The following TTN variants were observed in gnomAD, a reference collection of about 807,000 sequenced individuals.
TTN encodes the protein connectin.
A neutral mutation model predicts 3,223.0 loss-of-function variants in TTN; 1,525 were observed. The ratio of observed to expected loss-of-function variants is 0.47; its 90% CI spans 0.45 to 0.49. TTN has a LOEUF of 0.49. Ranked by LOEUF, TTN falls within the 20% of genes least tolerant of loss-of-function variation. The pLI, the probability that TTN is intolerant of heterozygous loss-of-function variation, is 0.00. For missense variants in TTN, 40,786 were observed against 43,424.0 expected (o/e 0.94, Z 5.40); for synonymous variants, 14,094 against 15,161.0 (o/e 0.93, Z 5.17).
chr2:178,539,810 G>A lies in TTN; in HGVS notation c.98255C>T (p.Ala32752Val), dbSNP rs778166587. 1.9e-6 allele frequency: 3 copies of A among 1,613,818 alleles called. No individual in the cohort carries two copies. The highest frequency in any genetic ancestry group is 2.5e-6 in the Non-Finnish European group (3 of 1,179,760). Residue 32752 changes from alanine (A) to valine (V), a missense_variant, in exon 352 of 363, where the codon GCA becomes GTA. Ala to Val is a moderately conservative substitution (Grantham distance 64). Coordinates refer to ENST00000589042, the MANE Select transcript of TTN (RefSeq NM_001267550.2). The stretch of plus-strand genomic sequence containing the variant: ...AAGCTCAGTGTGTGTTTCAGATGTT[G>A]CAATCATGGCACGCTTACTAATATC... ...GQDISKRAMIATSETHTELVI... is the reference protein window; with the variant it reads ...GQDISKRAMIVTSETHTELVI...
rs372493799 is a variant in TTN at position 178,587,793 on chromosome 2, C to T, written c.63516G>A (p.Pro21172=). 38 of 1,597,232 alleles carry T rather than the reference C, an allele frequency of 2.4e-5. No individual in the cohort carries two copies. Among genetic ancestry groups the T allele is most frequent in the African/African-American group, 1.6e-4 (12 of 74,452 alleles). ...AIKPKEILEP[P]EIDLDASMRK... ...TCATGCTGGCATCCAAATCAATCTC[C>T]GGAGGTTCTGCAAATGACATTAAGG... The change falls in exon 306 of 363, where the codon CCG becomes CCA. Residue 21172 remains proline, a synonymous_variant. Transcript: ENST00000589042.
chr2:178,664,698 GTTTTC>G lies in TTN; in HGVS notation c.36153_36157del (p.Lys12051AsnfsTer10). ...AGGCTTTCTGAGAGGAACCACAAGC[GTTTTC>G]TTTTCAGGGACAATTTCTTGGAGAG... On this transcript the variant is annotated frameshift_variant, in exon 167 of 363. Coordinates refer to ENST00000589042, the MANE Select transcript of TTN (RefSeq NM_001267550.2). LOFTEE classifies it high-confidence loss of function. 1 of 1,612,336 alleles carries G rather than the reference GTTTTC, an allele frequency of 6.2e-7. No individual in the cohort carries two copies. The highest frequency in any genetic ancestry group is 8.5e-7 in the Non-Finnish European group (1 of 1,179,644).
intron 15 of TTN, 74 bp downstream of exon 15, chr2:178,785,546 A>G: frequency 1.2e-6 from 2 of 1,600,850 alleles, no homozygotes; most frequent in Non-Finnish European, 1.7e-6. Flanking sequence ...GGCCTACCCC[A>G]GAGATGCTCT....
intron 147 of TTN, among the ~76,000 whole-genome samples, chr2:178,676,332 A>G (rs750948739): frequency 1.2e-4 from 18 of 151,908 alleles, no homozygotes; most frequent in Non-Finnish European, 2.4e-4. Context: ...TCTAGAAAGT[A>G]TTTCTGAATC....
Position 178,531,780 on chromosome 2 carries a change from T to C in TTN, c.104835A>G (p.Thr34945=). The change falls in exon 358 of 363, where the codon ACA becomes ACG. Residue 34945 remains threonine, a synonymous_variant. Transcript: ENST00000589042. ...GTACCCTGTGCGAGCGCATTCTCAG[T>C]GTGATTCGAGGGGCATGGTCCAGTG... ...PFTLDHAPRI[T]LRMRSHRVPC... is the part of the protein sequence containing the mutation. The C allele has an allele frequency of 6.2e-7, 1 of 1,614,014 alleles. No homozygotes were observed. Among genetic ancestry groups the C allele is most frequent in the East Asian group, 2.2e-5 (1 of 44,876 alleles).
In TTN at chr2:178,625,288, T is replaced by G; in HGVS notation, c.44533A>C (p.Asn14845His). The G allele has an allele frequency of 6.2e-7, 1 of 1,606,344 alleles. No individual in the cohort carries two copies. The highest frequency in any genetic ancestry group is 1.1e-5 in the South Asian group (1 of 89,928). Residue 14845 changes from asparagine (N) to histidine (H), a missense_variant, in exon 241 of 363, where the codon AAC (asparagine) becomes CAC (histidine). Transcript: ENST00000589042. ...TTGTAATTACCTTTCACAAAGAGGTTGGCGTGAGTTTTGAAATCTTTTGCT... is the reference window on the plus strand; with the variant it reads ...TTGTAATTACCTTTCACAAAGAGGTGGGCGTGAGTTTTGAAATCTTTTGCT... ...LTAKDFKTHA[N>H]LFVKEPPVEF...
rs1354658470 is a variant in TTN, at chr2:178,570,835, T to C, written c.75297A>G (p.Ala25099=). Residue 25099 remains alanine (A), a synonymous_variant, in exon 326 of 363, where the codon GCA becomes GCG. Coordinates refer to ENST00000589042, the MANE Select transcript of TTN (RefSeq NM_001267550.2). The stretch of plus-strand genomic sequence containing the variant: ...GATCTACCTCATCTCTAGCTGTTAT[T>C]GCTCCTGTGCTTTCTGAAGGCTCAC... ...VFSEPSESTG[A]ITARDEVDPP... is the part of the protein sequence containing the mutation. 5.6e-6 allele frequency: 9 copies of C among 1,613,588 alleles called. 1 individual carries two copies. In the Admixed American group the frequency reaches 1.2e-4, roughly 21 times the overall value.
Position 178,570,191 on chromosome 2 carries a change from G to A in TTN, c.75941C>T (p.Thr25314Ile), listed in dbSNP as rs1707646875. 1 of 1,613,350 alleles carries A rather than the reference G, an allele frequency of 6.2e-7. No individual in the cohort carries two copies. Among genetic ancestry groups the A allele is most frequent in the Non-Finnish European group, 8.5e-7 (1 of 1,179,630 alleles). The change falls in exon 326 of 363, where the codon ACA becomes ATA. Residue 25314 changes from threonine to isoleucine, a missense_variant. By Grantham distance (89) the Thr-to-Ile change is moderately conservative (BLOSUM62 -1). Transcript: ENST00000589042. ...AATCATTGAGTCCTTGGTCACTGTT[G>A]TGACTTCTGGAGCTTTTGGTGCATC... Reference protein sequence around the residue: ...VPDAPKAPEVTTVTKDSMIVV... With the variant: ...VPDAPKAPEVITVTKDSMIVV...
At position 178,565,094 on chromosome 2, in the gene TTN, C is replaced by T. The variant is rs376374751; in HGVS notation, c.81038G>A (p.Arg27013Gln). The part of the protein sequence containing the change: ...CQISNYIVEK[R>Q]DTTTTTWHMV... ...GTGCCAAGTGGTGGTGGTTGTATCT[C>T]GCTTCTCTACAATGTAGTTGCTTAT... is the stretch of plus-strand genomic sequence containing the variant. Residue 27013 changes from arginine to glutamine, a missense_variant, in exon 326 of 363, where the codon CGA (arginine) becomes CAA (glutamine). Physicochemically the swap from Arg to Gln is conservative, Grantham distance 43. Transcript: ENST00000589042. 73 of 1,613,446 alleles carry T rather than the reference C, an allele frequency of 4.5e-5. No individual in the cohort carries two copies. In the Middle Eastern group the frequency reaches 4.9e-4, roughly 11 times the overall value.
In TTN at chr2:178,770,431, A is replaced by G. The variant is rs577337149; in HGVS notation, c.8361T>C (p.Ser2787=). 6.2e-7 allele frequency: 1 copy of G among 1,614,162 alleles called. No individual in the cohort carries two copies. The highest frequency in any genetic ancestry group is 1.1e-5 in the South Asian group (1 of 91,082). Residue 2787 remains serine, a synonymous_variant, in exon 35 of 363, where the codon AGT becomes AGC. Coordinates refer to ENST00000589042, the MANE Select transcript of TTN (RefSeq NM_001267550.2). The stretch of plus-strand genomic sequence containing the variant: ...ACTTACTCTCCACGTGCAGTCTGGC[A>G]CTGGCTCCAAGCCTTCCAAGCCTGA... ...YGFRLGRLGA[S]ARLHVETVKI...
At position 178,589,031 on chromosome 2, in the gene TTN, A is replaced by G. The variant is rs778236151; in HGVS notation, c.62694T>C (p.Asn20898=). Residue 20898 remains asparagine, a synonymous_variant, in exon 304 of 363, where the codon AAT becomes AAC. Transcript: ENST00000589042. The part of the protein sequence containing the change: ...PEDDGGCEIQ[N]YILEKCETKR... Reference sequence around the variant, plus strand: ...TTGTCTCACATTTTTCTAGAATATAATTTTGGATTTCACAGCCACCATCAT... The same window carrying G: ...TTGTCTCACATTTTTCTAGAATATAGTTTTGGATTTCACAGCCACCATCAT... 6.2e-7 allele frequency: 1 copy of G among 1,609,950 alleles called. No individual in the cohort carries two copies. The highest frequency in any genetic ancestry group is 8.5e-7 in the Non-Finnish European group (1 of 1,179,476).
intron 270 of TTN, 111 bp from the exon 271 acceptor site, chr2:178,610,500 T>A: frequency 8.6e-7 from 1 of 1,157,364 alleles, no homozygotes; most frequent in Non-Finnish European, 1.2e-6. Flanking sequence ...ATCTTTGATG[T>A]GCTGGAGTGT....
Position 178,634,906 on chromosome 2 carries a change from G to GTGTT in TTN, c.42025-61_42025-58dup, listed in dbSNP as rs756357969. ...AAGAGATAAATTCCCTATAGGAGAAGTGTTTCAGATACAAATTTCTATAGA... is the reference window on the plus strand; with the variant it reads ...AAGAGATAAATTCCCTATAGGAGAAGTGTTTGTTTCAGATACAAATTTCTATAGA... On this transcript the variant is annotated intron_variant, in intron 228 of 362. Transcript: ENST00000589042. This position sits in a 1 kb window ranked among gnomAD's most constrained non-coding sequence, Gnocchi z 4.6. The GTGTT allele has an allele frequency of 9.7e-6, 15 of 1,552,776 alleles. No homozygotes were observed. The highest frequency in any genetic ancestry group is 1.3e-5 in the Non-Finnish European group (15 of 1,155,664).
intron 53 of TTN, 34 bp from the exon 54 acceptor site, chr2:178,733,551 G>A: frequency 6.3e-7 from 1 of 1,598,458 alleles, no homozygotes; most frequent in Non-Finnish European, 8.5e-7. Flanking sequence ...CACCCTAAAT[G>A]CTTGTTAGGG....
In TTN at chr2:178,630,785, A is replaced by G. The variant is rs764342001; in HGVS notation, c.44154+19T>C. On this transcript the variant is annotated intron_variant, in intron 238 of 362. Coordinates refer to ENST00000589042, the MANE Select transcript of TTN (RefSeq NM_001267550.2). The stretch of plus-strand genomic sequence containing the variant: ...CACACAGCTCCTTTAGGTGTTGACA[A>G]GTTCAGAAATAGCCTTACAGGTGTT... 6.2e-7 allele frequency: 1 copy of G among 1,602,470 alleles called. No individual in the cohort carries two copies. The highest frequency in any genetic ancestry group is 8.5e-7 in the Non-Finnish European group (1 of 1,175,206).
At position 178,526,840 on chromosome 2, in the gene TTN, T is replaced by C; in HGVS notation, c.*172A>G. The C allele has an allele frequency of 1.7e-6, 1 of 590,636 alleles. No homozygotes were observed. The highest frequency in any genetic ancestry group is 2.9e-6 in the Non-Finnish European group (1 of 350,262). 36.6% of individuals were successfully genotyped at this position (590,636 alleles called of 1,614,324 possible). A position where few individuals can be genotyped will look rare whatever the true frequency, so the allele number is the denominator to read the frequency against. On this transcript the variant is annotated 3_prime_UTR_variant, in exon 363 of 363. Coordinates refer to ENST00000589042, the MANE Select transcript of TTN (RefSeq NM_001267550.2). ...GTCACTAGCAAATGTATTATATTCT[T>C]AGGTCAACAATTATGAAAAGATTGA...
In TTN at chr2:178,794,534, G is replaced by T; in HGVS notation, c.1263C>A (p.Asp421Glu). The change falls in exon 8 of 363, where the codon GAC becomes GAA. Residue 421 changes from aspartate to glutamate, a missense_variant. Asp to Glu is a conservative substitution (Grantham distance 45). Transcript: ENST00000589042. ...TGAKEVKQDA[D>E]KSAAVATVVA... Reference sequence around the variant, plus strand: ...CAACAGTCGCAACAGCTGCACTTTTGTCAGCATCTTGTTTCACCTAGATTA... The same window carrying T: ...CAACAGTCGCAACAGCTGCACTTTTTTCAGCATCTTGTTTCACCTAGATTA... 1 of 1,614,180 alleles carries T rather than the reference G, an allele frequency of 6.2e-7. No individual in the cohort carries two copies. Among genetic ancestry groups the T allele is most frequent in the Non-Finnish European group, 8.5e-7 (1 of 1,180,014 alleles).
In TTN at chr2:178,613,941, T is replaced by A; in HGVS notation, c.49346-4A>T. The A allele has an allele frequency of 6.2e-7, 1 of 1,607,730 alleles. No individual in the cohort carries two copies. Among genetic ancestry groups the A allele is most frequent in the Non-Finnish European group, 8.5e-7 (1 of 1,177,258 alleles). On this transcript the variant is annotated splice_polypyrimidine_tract_variant and splice_region_variant and intron_variant, in intron 262 of 362. Coordinates refer to ENST00000589042, the MANE Select transcript of TTN (RefSeq NM_001267550.2). ...CGAGTTGGAGGACCAGGTGGATCTA[T>A]AGACAGGATAATGGTGTAAAATGTT...
Position 178,770,516 on chromosome 2 carries a change from C to T in TTN, c.8276G>A (p.Gly2759Glu). Residue 2759 changes from glycine to glutamate, a missense_variant, in exon 35 of 363, where the codon GGA becomes GAA. Gly to Glu is a moderately conservative substitution (Grantham distance 98). Transcript: ENST00000589042. ...SNEKYAISVK[G>E]TIYSLRIKNC... ...TTTAATCCTCAGAGAGTAAATTGTT[C>T]CTTTGACAGAGATAGCATACTTTTC... The T allele has an allele frequency of 6.2e-7, 1 of 1,614,080 alleles. No individual in the cohort carries two copies. The highest frequency in any genetic ancestry group is 8.5e-7 in the Non-Finnish European group (1 of 1,180,006).
Sources: allele counts gnomAD v4.1 joint callset (sites outside exome capture counted in the v4.1 genomes callset), GRCh38; gene constraint gnomAD v4.1.1; non-coding constraint Gnocchi (gnomAD v3.1); transcripts MANE v1.5; gene names NCBI Gene and HGNC (gene_info 2026-07-23, HGNC 2026-07-21).